The following INPP4B variants were observed in gnomAD, a reference collection of about 807,000 sequenced individuals.
INPP4B encodes the protein inositol polyphosphate-4-phosphatase type II B, also known as inositol polyphosphate 4-phosphatase type II.
Under a neutral mutation model 122.5 loss-of-function variants are expected in INPP4B, and 55 were observed. The observed-to-expected ratio is 0.45, with a 90% CI of 0.36 to 0.56. The LOEUF is 0.56. Among genes scored for constraint, INPP4B ranks in the 20% least tolerant of loss-of-function variants. INPP4B has a pLI of 0.00. For synonymous variants in INPP4B, 403 were observed against 388.7 expected (o/e 1.04, Z -0.43); for missense variants, 1,000 against 1,097.7 (o/e 0.91, Z 1.26).
At chr4:142,172,180 A>G (rs1825951015) in intron 16 of INPP4B, among the ~76,000 whole-genome samples, 1 of 151,956 alleles carries the variant, frequency 6.6e-6, no homozygotes, top group Non-Finnish European at 1.5e-5. Flanking sequence ...TAAATAAGGA[A>G]ATGTCAAAAT....
At chr4:142,668,632 A>C (rs1339532703) in intron 2 of INPP4B, among the ~76,000 whole-genome samples, 1 of 152,256 alleles carries the variant, frequency 6.6e-6, no homozygotes, top group Non-Finnish European at 1.5e-5. Flanking sequence ...TTAGAACTAG[A>C]AAAACAATTC....
chr4:142,842,851 T>C (rs1414243503), intron 1 of INPP4B, among the ~76,000 whole-genome samples: 3 of 136,668 alleles, frequency 2.2e-5, no homozygotes, highest in Non-Finnish European at 4.6e-5. Context: ...TATATCAAAA[T>C]ATATATAAAT....
chr4:142,112,282 G>A (rs895585152), intron 22 of INPP4B, among the ~76,000 whole-genome samples: 1 of 152,082 alleles, frequency 6.6e-6, no homozygotes, highest in Non-Finnish European at 1.5e-5. Flanking sequence ...AAACAAAGAA[G>A]GTTAATCCAT....
chr4:142,076,147 G>T (rs1770578489), intron 25 of INPP4B, among the ~76,000 whole-genome samples: 2 of 151,978 alleles, frequency 1.3e-5, no homozygotes, highest in African/African-American at 2.4e-5. Flanking sequence ...ATCAACAAAA[G>T]AAAGTATGGG....
intron 1 of INPP4B, among the ~76,000 whole-genome samples, chr4:142,787,359 C>T (rs561033267): frequency 6.6e-6 from 1 of 152,190 alleles, no homozygotes; most frequent in South Asian, 2.1e-4. Context: ...TATAAAAGAA[C>T]AAGTTTGGCC....
chr4:142,720,775 C>CATATATATATAA lies in INPP4B; in HGVS notation c.-191+5063_-191+5064insTTATATATATAT, dbSNP rs1482887494. ...ATATATATATAATCTCTCTCTCTCT[C>CATATATATATAA]TCTCTCTCTCTCTCTCTCTCTCTCT... On this transcript the variant is annotated intron_variant, in intron 2 of 25. Transcript: ENST00000262992. 5.8e-3 allele frequency among the ~76,000 whole-genome samples: 76 copies of CATATATATATAA among 13,120 alleles called. 3 individuals carry two copies. Among genetic ancestry groups the CATATATATATAA allele is most frequent in the East Asian group, 0.05 (11 of 218 alleles). The allele number at this position is 13,120 out of a possible 152,430, so 8.6% of individuals were successfully genotyped here.
chr4:142,183,511 G>A (rs1334787202), intron 15 of INPP4B, among the ~76,000 whole-genome samples: 1 of 152,074 alleles, frequency 6.6e-6, no homozygotes, highest in East Asian at 1.9e-4. Context: ...AGCTTTCAAA[G>A]CTCTGAAAAA....
intron 2 of INPP4B, among the ~76,000 whole-genome samples, chr4:142,593,748 G>A (rs1276182747): frequency 6.6e-6 from 1 of 151,774 alleles, no homozygotes; most frequent in East Asian, 1.9e-4. Flanking sequence ...TATTATCGTT[G>A]AATTATTCCA....
At chr4:142,221,954 T>G (rs760201375) in intron 12 of INPP4B, among the ~76,000 whole-genome samples, 1 of 152,128 alleles carries the variant, frequency 6.6e-6, no homozygotes, top group African/African-American at 2.4e-5. Context: ...ACTATTTCTG[T>G]TCTTGTTTTT....
chr4:142,410,330 A>G (rs1340006895), intron 5 of INPP4B, among the ~76,000 whole-genome samples: 1 of 152,232 alleles, frequency 6.6e-6, no homozygotes, highest in Non-Finnish European at 1.5e-5. Context: ...GTCAACCCCA[A>G]GTGACCATCT....
chr4:142,256,120 A>C (rs2150305497), intron 11 of INPP4B, among the ~76,000 whole-genome samples: 1 of 149,534 alleles, frequency 6.7e-6, no homozygotes, highest in East Asian at 2.0e-4. Flanking sequence ...TACATAACGA[A>C]ATGAAGGCAG....
At chr4:142,056,613 G>A (rs149122057) in intron 25 of INPP4B, among the ~76,000 whole-genome samples, 38 of 152,208 alleles carry the variant, frequency 2.5e-4, no homozygotes, top group African/African-American at 7.7e-4. Flanking sequence ...ACATAAGATT[G>A]AGGCCTCAGA....
Position 142,026,283 on chromosome 4 carries a change from CCT to C in INPP4B, c.*2497_*2498del, listed in dbSNP as rs1736970768. Reference sequence around the variant, plus strand: ...GAAGTGGTTGTTTAAGAATGAACTGCCTCTCAGGAAAAAAGCAATATTGTTGT... The same window carrying C: ...GAAGTGGTTGTTTAAGAATGAACTGCCTCAGGAAAAAAGCAATATTGTTGT... On this transcript the variant is annotated 3_prime_UTR_variant, in exon 26 of 26. Coordinates refer to ENST00000262992, the MANE Select transcript of INPP4B (RefSeq NM_001101669.3). The C allele has an allele frequency of 6.6e-6, 1 of 152,054 alleles. No individual in the cohort carries two copies. The highest frequency in any genetic ancestry group is 1.5e-5 in the Non-Finnish European group (1 of 68,022). The allele number at this position is 152,054 out of a possible 1,614,324, so 9.4% of individuals were successfully genotyped here.
At chr4:142,261,038 C>T (rs555735206) in intron 10 of INPP4B, among the ~76,000 whole-genome samples, 112 of 152,298 alleles carry the variant, frequency 7.4e-4, no homozygotes, top group African/African-American at 2.3e-3. Context: ...AGCAAAACAA[C>T]GCAAGCACTT....
chr4:142,075,368 T>C (rs1770040041), intron 25 of INPP4B, among the ~76,000 whole-genome samples: 1 of 151,830 alleles, frequency 6.6e-6, no homozygotes, highest in African/African-American at 2.4e-5. Flanking sequence ...ACAAACTGAG[T>C]GCTGAGTGCT....
intron 1 of INPP4B, among the ~76,000 whole-genome samples, chr4:142,820,883 T>C (rs1054664881): frequency 2.0e-5 from 3 of 152,178 alleles, no homozygotes; most frequent in Admixed American, 6.6e-5. Context: ...CCCTCAAAGC[T>C]TAAGGAAAGA....
chr4:142,395,825 A>G lies in INPP4B; in HGVS notation c.372+7113T>C, dbSNP rs78314155. Among the ~76,000 whole-genome samples the G allele has an allele frequency of 3.9e-3, 599 of 152,296 alleles. 2 individuals are homozygous for G. The highest frequency in any genetic ancestry group is 6.7e-3 in the Non-Finnish European group (457 of 67,998). ...GAAGGATGCATACATTATTCCAATT[A>G]TAGGAGGAAGTATCTAAAATTGTCA... On this transcript the variant is annotated intron_variant, in intron 7 of 25. Transcript: ENST00000262992.
At chr4:142,728,832 T>C (rs1765680632) in intron 1 of INPP4B, among the ~76,000 whole-genome samples, 2 of 152,244 alleles carry the variant, frequency 1.3e-5, no homozygotes, top group Non-Finnish European at 2.9e-5. Flanking sequence ...AAATTTCTCT[T>C]GTTCTAAGCT....
At chr4:142,374,782 T>C (rs1194743228) in intron 7 of INPP4B, among the ~76,000 whole-genome samples, 1 of 151,928 alleles carries the variant, frequency 6.6e-6, no homozygotes, top group Admixed American at 6.6e-5. Context: ...TCAATTCCGT[T>C]TTTTATTCAA....
Sources: gnomAD v4.1 joint callset for allele counts (sites outside exome capture counted in the v4.1 genomes callset) on GRCh38, gnomAD v4.1.1 for gene constraint, MANE v1.5 for transcripts, NCBI Gene and HGNC (gene_info 2026-07-23, HGNC 2026-07-21) for gene names.